Variants in IFT122 observed in about 807,000 individuals in gnomAD.
IFT122 encodes the protein intraflagellar transport 122.
A neutral mutation model predicts 161.6 loss-of-function variants in IFT122; 118 were observed. The observed-to-expected ratio is 0.73, with a 90% confidence interval of 0.63 to 0.85. IFT122 has a LOEUF of 0.85. Ranked by LOEUF, IFT122 falls within the 40% of genes least tolerant of loss-of-function variation. IFT122 has a pLI of 0.00. For synonymous variants in IFT122, 550 were observed against 602.4 expected (o/e 0.91, Z 1.27); for missense variants, 1,381 against 1,579.6 (o/e 0.87, Z 2.13).
At chr3:129,514,589 C>T (rs2083247921) in intron 25 of IFT122, 35 bp downstream of exon 25, 13 of 1,613,104 alleles carry the variant, frequency 8.1e-6, no homozygotes, top group Non-Finnish European at 1.1e-5. Flanking sequence ...GGTGGCTTCT[C>T]CTCTCCCTTG....
chr3:129,519,616 C>T lies in IFT122; in HGVS notation c.3520C>T (p.Arg1174Cys), dbSNP rs181318594. The T allele has an allele frequency of 1.1e-4, 170 of 1,613,538 alleles. No homozygotes were observed. Among genetic ancestry groups the T allele is most frequent in the African/African-American group, 1.0e-3 (76 of 75,030 alleles). Residue 1174 changes from arginine (R) to cysteine (C), a missense_variant, in exon 29 of 30, where the codon CGC becomes TGC. Coordinates refer to ENST00000348417, the MANE Select transcript of IFT122 (RefSeq NM_052989.3). ...VPVVVSRLVLRSMSRRDVLIK... is the reference protein window; with the variant it reads ...VPVVVSRLVLCSMSRRDVLIK... Reference sequence around the variant, plus strand: ...AGTGGTGGTGAGCCGGCTGGTGCTGCGCTCCATGAGCCGCCGGGATGTCCT... The same window carrying T: ...AGTGGTGGTGAGCCGGCTGGTGCTGTGCTCCATGAGCCGCCGGGATGTCCT...
At chr3:129,476,532 G>A (rs1559907315) in intron 10 of IFT122, 26 bp downstream of exon 10, 4 of 1,614,006 alleles carry the variant, frequency 2.5e-6, no homozygotes, top group East Asian at 2.2e-5. Context: ...TTGTTCTGTG[G>A]GGCCATGGCT....
chr3:129,445,224 G>T (rs369532906), intron 1 of IFT122, among the ~76,000 whole-genome samples: 3 of 152,158 alleles, frequency 2.0e-5, no homozygotes, highest in Non-Finnish European at 2.9e-5. Flanking sequence ...TACTCAGGAG[G>T]CTAAGGCAGG....
At chr3:129,506,727 C>A (rs2082230207) in intron 22 of IFT122, among the ~76,000 whole-genome samples, 178 bp downstream of exon 22, 1 of 152,186 alleles carries the variant, frequency 6.6e-6, no homozygotes, top group South Asian at 2.1e-4. Context: ...GTTTGCCCAT[C>A]AGAATGGTAT....
chr3:129,497,773 T>C (rs2081054331), intron 18 of IFT122, among the ~76,000 whole-genome samples: 2 of 152,240 alleles, frequency 1.3e-5, no homozygotes, highest in South Asian at 2.1e-4. Context: ...TTGAGAAATA[T>C]GTACCTACAC....
At chr3:129,514,252 C>A in intron 24 of IFT122, 137 bp from the exon 25 acceptor site, 1 of 921,236 alleles carries the variant, frequency 1.1e-6, no homozygotes, top group Non-Finnish European at 1.7e-6. Flanking sequence ...GCGCACAGAG[C>A]CTTCCTCACG....
intron 3 of IFT122, among the ~76,000 whole-genome samples, chr3:129,453,578 G>C (rs1577258971): frequency 6.6e-6 from 1 of 152,196 alleles, no homozygotes; most frequent in Non-Finnish European, 1.5e-5. Context: ...ACCAGAGGTG[G>C]TTTTGCAAGC....
In IFT122 at chr3:129,519,641, T is replaced by C; in HGVS notation, c.3545T>C (p.Leu1182Pro). Reference sequence around the variant, plus strand: ...CGCTCCATGAGCCGCCGGGATGTCCTCATCAAGCGATGGCCCCCACCCCTG... The same window carrying C: ...CGCTCCATGAGCCGCCGGGATGTCCCCATCAAGCGATGGCCCCCACCCCTG... ...VLRSMSRRDV[L>P]IKRWPPPLRW... Residue 1182 changes from leucine to proline, a missense_variant, in exon 29 of 30, where the codon CTC becomes CCC. Leu to Pro is a moderately conservative substitution (Grantham distance 98, BLOSUM62 -3). This residue lies in a region of IFT122 where 177 missense variants were observed against 199.2 expected (regional missense o/e 0.89). Coordinates refer to ENST00000348417, the MANE Select transcript of IFT122 (RefSeq NM_052989.3). 6.2e-7 allele frequency: 1 copy of C among 1,613,672 alleles called. No individual in the cohort carries two copies. The highest frequency in any genetic ancestry group is 8.5e-7 in the Non-Finnish European group (1 of 1,180,000).
chr3:129,506,690 C>A, intron 22 of IFT122, 141 bp downstream of exon 22: 1 of 1,208,888 alleles, frequency 8.3e-7, no homozygotes, highest in Non-Finnish European at 1.2e-6. Context: ...CTTGCAGTGG[C>A]GTAATCTGGT....
chr3:129,498,348 T>G lies in IFT122; in HGVS notation c.2209-1554T>G, dbSNP rs3774776. ...GCCTGTTTTCCTCCAGCTGCCACCC[T>G]CATTTCACCAGCCAGGTAGGCAGGG... On this transcript the variant is annotated intron_variant, in intron 18 of 29. Coordinates refer to ENST00000348417, the MANE Select transcript of IFT122 (RefSeq NM_052989.3). Among the ~76,000 whole-genome samples, 929 of 152,336 alleles carry G rather than the reference T, an allele frequency of 6.1e-3. 50 individuals are homozygous for G. The East Asian group carries it at 0.13, about 21-fold the overall frequency.
chr3:129,492,055 T>C (rs771871899), intron 16 of IFT122, 86 bp from the exon 17 acceptor site: 109 of 970,728 alleles, frequency 1.1e-4, no homozygotes, highest in Non-Finnish European at 1.7e-4. Flanking sequence ...ACTGTCTAGA[T>C]AGAGCTTGAC....
At chr3:129,491,509 G>A (rs1198184678) in intron 16 of IFT122, among the ~76,000 whole-genome samples, 2 of 152,208 alleles carry the variant, frequency 1.3e-5, no homozygotes, top group East Asian at 1.9e-4. Flanking sequence ...TTTACTGTGA[G>A]TTCAAGGCAA....
At chr3:129,498,572 T>C (rs1181058407) in intron 18 of IFT122, among the ~76,000 whole-genome samples, 4 of 152,154 alleles carry the variant, frequency 2.6e-5, no homozygotes, top group African/African-American at 7.2e-5. Flanking sequence ...ACAATGCGCT[T>C]TCCTCCCCTT....
intron 1 of IFT122, among the ~76,000 whole-genome samples, chr3:129,449,425 C>T (rs2074467728): frequency 6.6e-6 from 1 of 152,172 alleles, no homozygotes; most frequent in Admixed American, 6.5e-5. Flanking sequence ...CTGTTTCACA[C>T]CTTCTCACTG....
At chr3:129,454,509 ATATT>A (rs1396854955) in intron 3 of IFT122, among the ~76,000 whole-genome samples, 1 of 110,562 alleles carries the variant, frequency 9.0e-6, no homozygotes, top group Non-Finnish European at 1.7e-5. Flanking sequence ...CATGGTAGTC[ATATT>A]TGTGTGTGTG....
intron 23 of IFT122, among the ~76,000 whole-genome samples, chr3:129,508,233 C>T (rs1419850736): frequency 6.6e-6 from 1 of 152,250 alleles, no homozygotes; most frequent in African/African-American, 2.4e-5. Context: ...TCTCCAGAAA[C>T]CCAAGTAGTT....
intron 9 of IFT122, among the ~76,000 whole-genome samples, chr3:129,475,173 C>T (rs1234145058): frequency 6.6e-6 from 1 of 152,096 alleles, no homozygotes; most frequent in African/African-American, 2.4e-5. Flanking sequence ...CCAATAAGCA[C>T]ATGAAATGAT....
intron 12 of IFT122, among the ~76,000 whole-genome samples, chr3:129,479,255 CAAAAAA>C (rs547629384): frequency 1.2e-5 from 1 of 81,422 alleles, no homozygotes; most frequent in African/African-American, 4.3e-5. Context: ...CCATCTCCAC[CAAAAAA>C]AAAAAAAAAA....
At chr3:129,446,374 G>A (rs2073997562) in intron 1 of IFT122, among the ~76,000 whole-genome samples, 1 of 149,914 alleles carries the variant, frequency 6.7e-6, no homozygotes, top group East Asian at 1.9e-4. Flanking sequence ...ATAGGTGCCC[G>A]CCATCATGCT....
Sources: allele counts gnomAD v4.1 joint callset (sites outside exome capture counted in the v4.1 genomes callset), GRCh38; gene constraint gnomAD v4.1.1; regional missense constraint gnomAD v4.1.1; transcripts MANE v1.5; gene names NCBI Gene and HGNC (gene_info 2026-07-23, HGNC 2026-07-21).